TF: variants seen among roughly 807,000 people sequenced by gnomAD.
The protein encoded by TF is transferrin, also known as serotransferrin.
Under a neutral mutation model 82.4 loss-of-function variants are expected in TF, and 55 were observed. That is an observed-to-expected ratio of 0.67 (90% CI 0.54 to 0.84). The LOEUF is 0.84. TF is among the 40% of genes least tolerant of loss of function. The pLI is 0.00. For missense variants in TF, 737 were observed against 868.4 expected, an observed-to-expected ratio of 0.85 and a Z score of 1.90; for synonymous variants, 332 against 332.6, an observed-to-expected ratio of 1.00 and a Z score of 0.02.
At chr3:133,685,558 AC>A in the TF span, among the ~76,000 whole-genome samples, 2 of 152,202 alleles carry the variant, frequency 1.3e-5, no homozygotes, top group African/African-American at 4.8e-5. Context: ...TACACCAATA[AC>A]AGACAAACAG....
rs1258591371 is a variant in TF at position 133,754,624 on chromosome 3, G to A, written c.455G>A (p.Gly152Asp). ...GRSAGWNIPIGLLYCDLPEPR... is the reference protein window; with the variant it reads ...GRSAGWNIPIDLLYCDLPEPR... The stretch of plus-strand genomic sequence containing the variant: ...TCCGCTGGGTGGAACATCCCCATAG[G>A]CTTACTTTACTGTGACTTACCTGAG... The change falls in exon 4 of 17, where the codon GGC becomes GAC. Residue 152 changes from glycine (G) to aspartate (D), a missense_variant. Coordinates refer to ENST00000402696, the MANE Select transcript of TF (RefSeq NM_001063.4). 3 of 1,614,050 alleles carry A rather than the reference G, an allele frequency of 1.9e-6. No homozygotes were observed. Among genetic ancestry groups the A allele is most frequent in the African/African-American group, 2.7e-5 (2 of 74,908 alleles).
chr3:133,735,841 G>C, the TF span, among the ~76,000 whole-genome samples: 1 of 152,186 alleles, frequency 6.6e-6, no homozygotes, highest in Non-Finnish European at 1.5e-5. Context: ...TTGTGTACCT[G>C]AAAGTGACAG....
At chr3:133,704,445 T>C in the TF span, 1 of 155,790 alleles carries the variant, frequency 6.4e-6, no homozygotes, top group Non-Finnish European at 1.4e-5. Flanking sequence ...ATGGAGCTAG[T>C]AGAAAAAAAA....
intron 9 of TF, among the ~76,000 whole-genome samples, chr3:133,762,603 G>A (rs996483113): frequency 6.6e-6 from 1 of 152,114 alleles, no homozygotes; most frequent in African/African-American, 2.4e-5. Context: ...CAGGTTCCAA[G>A]ACTGGGGGTC....
At chr3:133,771,935 C>T (rs1559877639) in intron 14 of TF, among the ~76,000 whole-genome samples, 2 of 151,948 alleles carry the variant, frequency 1.3e-5, no homozygotes, top group African/African-American at 4.8e-5. Context: ...TGAATACTTC[C>T]CTGCCTTCTC....
chr3:133,698,045 A>G, the TF span, among the ~76,000 whole-genome samples: 3 of 152,248 alleles, frequency 2.0e-5, no homozygotes, highest in Admixed American at 1.3e-4. Flanking sequence ...CTAATTGGCC[A>G]TGGGCCAGTC....
chr3:133,734,298 G>A, the TF span, among the ~76,000 whole-genome samples: 65 of 152,260 alleles, frequency 4.3e-4, no homozygotes, highest in African/African-American at 1.5e-3. Flanking sequence ...AAAAGGTTAC[G>A]TCCGTCACCT....
chr3:133,698,466 G>T, the TF span, among the ~76,000 whole-genome samples: 1 of 152,190 alleles, frequency 6.6e-6, no homozygotes, highest in Non-Finnish European at 1.5e-5. Context: ...ATGTTGGCAG[G>T]GTTGGGTCCT....
chr3:133,734,690 C>G, the TF span, among the ~76,000 whole-genome samples: 1 of 152,050 alleles, frequency 6.6e-6, no homozygotes, highest in Admixed American at 6.5e-5. Context: ...AGTACTAATT[C>G]ATTCTGTGAA....
Position 133,786,808 on chromosome 3 carries a change from C to CAT in TF, c.*8192_*8193dup, listed in dbSNP as rs1476651236. 1.3e-5 allele frequency: 2 copies of CAT among 152,186 alleles called. No individual in the cohort carries two copies. Among genetic ancestry groups the CAT allele is most frequent in the African/African-American group, 2.4e-5 (1 of 41,440 alleles). The allele number at this position is 152,186 out of a possible 1,614,324, so 9.4% of individuals were successfully genotyped here. A position where few individuals can be genotyped will look rare whatever the true frequency, so the allele number is the denominator to read the frequency against. On this transcript the variant is annotated 3_prime_UTR_variant, in exon 17 of 17. Transcript: ENST00000402696. ...GTTCACTTTATTCAAGACTTCTGTGCATATAGTGGACGAATTAACTTCTTA... is the reference window on the plus strand; with the variant it reads ...GTTCACTTTATTCAAGACTTCTGTGCATATATAGTGGACGAATTAACTTCTTA...
the TF span, among the ~76,000 whole-genome samples, chr3:133,735,033 G>A: frequency 6.4e-4 from 98 of 152,166 alleles, no homozygotes; most frequent in Admixed American, 9.8e-4. Context: ...AGACAACAAG[G>A]GTAATTGCTA....
chr3:133,708,256 A>G, the TF span, among the ~76,000 whole-genome samples: 1 of 152,206 alleles, frequency 6.6e-6, no homozygotes, highest in Admixed American at 6.5e-5. Flanking sequence ...TCACTACTGA[A>G]TCAAAGAAGT....
In TF at chr3:133,781,635, T is replaced by A. The variant is rs914297383; in HGVS notation, c.*3015T>A. The A allele has an allele frequency of 2.6e-5, 4 of 152,148 alleles. No individual in the cohort carries two copies. Among genetic ancestry groups the A allele is most frequent in the African/African-American group, 9.7e-5 (4 of 41,444 alleles). The allele number at this position is 152,148 out of a possible 1,614,324, so 9.4% of individuals were successfully genotyped here. A position where few individuals can be genotyped will look rare whatever the true frequency, so the allele number is the denominator to read the frequency against. ...ACAATTTTTTAACTTGACAAAATGATACTAATCCTCAACTAAAAAACAAAA... is the reference window on the plus strand; with the variant it reads ...ACAATTTTTTAACTTGACAAAATGAAACTAATCCTCAACTAAAAAACAAAA... On this transcript the variant is annotated 3_prime_UTR_variant, in exon 17 of 17. Coordinates refer to ENST00000402696, the MANE Select transcript of TF (RefSeq NM_001063.4).
chr3:133,664,412 C>G, the TF span, among the ~76,000 whole-genome samples: 10 of 152,022 alleles, frequency 6.6e-5, no homozygotes, highest in Non-Finnish European at 5.9e-5. Flanking sequence ...AACCTCCACC[C>G]CCGGGGTTCA....
chr3:133,757,505 G>T (rs149725500), intron 7 of TF, among the ~76,000 whole-genome samples: 78 of 152,328 alleles, frequency 5.1e-4, no homozygotes, highest in African/African-American at 1.8e-3. Flanking sequence ...GCAGCCTCTG[G>T]ATTAGCCACG....
chr3:133,732,490 G>A, the TF span, among the ~76,000 whole-genome samples: 2 of 152,292 alleles, frequency 1.3e-5, no homozygotes, highest in Admixed American at 1.3e-4. Context: ...AATAAAAGTA[G>A]GCCACCAGAG....
chr3:133,758,774 C>T (rs190792011), intron 8 of TF, among the ~76,000 whole-genome samples: 39 of 152,230 alleles, frequency 2.6e-4, no homozygotes, highest in African/African-American at 8.7e-4. Context: ...CCTGAGGATG[C>T]CCTGGTGAAC....
At position 133,768,296 on chromosome 3, in the gene TF, C is replaced by T. The variant is rs948182871; in HGVS notation, c.1622+132C>T. ...TGTATTAAGAGAGTATATTTCACAA[C>T]CAGATATAGAGCCACATGGGGAGGG... On this transcript the variant is annotated intron_variant, in intron 13 of 16. Transcript: ENST00000402696. The T allele has an allele frequency of 7.8e-6, 10 of 1,288,104 alleles. No individual in the cohort carries two copies. In the East Asian group the frequency reaches 1.5e-4, roughly 19 times the overall value. The allele number at this position is 1,288,104 out of a possible 1,614,324, so 79.8% of individuals were successfully genotyped here.
the TF span, chr3:133,692,918 T>A: frequency 1.3e-5 from 2 of 153,508 alleles, no homozygotes; most frequent in Non-Finnish European, 2.9e-5. Context: ...TGCTTCCCCC[T>A]AGCTCCCTTG....
Sources: allele counts gnomAD v4.1 joint callset (sites outside exome capture counted in the v4.1 genomes callset), GRCh38; gene constraint gnomAD v4.1.1; transcripts MANE v1.5; gene names NCBI Gene and HGNC (gene_info 2026-07-23, HGNC 2026-07-21).